The following DNAH14 variants were observed in gnomAD, a reference collection of about 807,000 sequenced individuals.
The protein encoded by DNAH14 is axonemal beta dynein heavy chain 14.
A neutral mutation model predicts 520.9 loss-of-function variants in DNAH14; 478 were observed. The ratio of observed to expected loss-of-function variants is 0.92; its 90% CI spans 0.85 to 0.99. The LOEUF (loss-of-function observed/expected upper bound fraction) is 0.99. Ranked by LOEUF, DNAH14 falls within the 50% of genes least tolerant of loss-of-function variation. DNAH14 has a pLI of 0.00. For synonymous variants in DNAH14, 1,581 were observed against 1,757.2 expected (o/e 0.90, Z 2.51); for missense variants, 4,831 against 5,234.5 (o/e 0.92, Z 2.38).
rs578077890 is a variant in DNAH14 at position 225,179,778 on chromosome 1, C to A, written c.5536-5513C>A. On this transcript the variant is annotated intron_variant, in intron 36 of 85. Coordinates refer to ENST00000682510, the MANE Select transcript of DNAH14 (RefSeq NM_001367479.1). The stretch of plus-strand genomic sequence containing the variant: ...TTCAGATTGAAGAACTCCATTTAGC[C>A]TTTCTTGTAAGACAGGTCTGATGGT... Among the ~76,000 whole-genome samples the A allele has an allele frequency of 8.5e-5, 13 of 152,144 alleles. No individual in the cohort carries two copies. In the South Asian group the frequency reaches 2.3e-3, roughly 27 times the overall value.
At chr1:225,382,833 G>A (rs968895314) in intron 81 of DNAH14, among the ~76,000 whole-genome samples, 2 of 152,146 alleles carry the variant, frequency 1.3e-5, no homozygotes, top group African/African-American at 4.8e-5. Context: ...ATAAAATATG[G>A]TATGTCCCTG....
chr1:225,007,880 G>A (rs2064307708), intron 10 of DNAH14, among the ~76,000 whole-genome samples: 1 of 151,346 alleles, frequency 6.6e-6, no homozygotes, highest in African/African-American at 2.4e-5. Context: ...TAAAACAAGA[G>A]ATTTCTGTTT....
chr1:225,364,246 T>C (rs2095526401), intron 75 of DNAH14, among the ~76,000 whole-genome samples: 1 of 152,208 alleles, frequency 6.6e-6, no homozygotes, highest in African/African-American at 2.4e-5. Context: ...CATTAAACTT[T>C]CACCTACTGG....
intron 66 of DNAH14, among the ~76,000 whole-genome samples, chr1:225,335,954 T>C (rs964525371): frequency 1.2e-4 from 17 of 144,248 alleles, no homozygotes; most frequent in South Asian, 2.1e-4. Context: ...TATGTATATA[T>C]ACACATATAC....
At chr1:225,127,663 A>G (rs1175596788) in intron 27 of DNAH14, among the ~76,000 whole-genome samples, 3 of 152,020 alleles carry the variant, frequency 2.0e-5, no homozygotes, top group South Asian at 2.1e-4. Context: ...TCTTTATCCA[A>G]TTTGCCAGTC....
chr1:224,976,194 T>C (rs1181961763), intron 8 of DNAH14, among the ~76,000 whole-genome samples: 5 of 152,116 alleles, frequency 3.3e-5, no homozygotes, highest in African/African-American at 9.7e-5. Context: ...GAAAAAAATG[T>C]ATATTCTGTT....
chr1:225,272,884 A>C, intron 51 of DNAH14, 71 bp from the exon 52 acceptor site: 1 of 1,400,316 alleles, frequency 7.1e-7, no homozygotes. Context: ...ACCTGCAAAA[A>C]TTGAGCCTTC....
intron 29 of DNAH14, among the ~76,000 whole-genome samples, chr1:225,144,961 AAGAG>A (rs1359054007): frequency 1.3e-5 from 2 of 151,850 alleles, no homozygotes. Flanking sequence ...GTGAGACCGA[AAGAG>A]AGGGACAGAG....
At chr1:225,330,583 T>C (rs1459843811) in intron 64 of DNAH14, among the ~76,000 whole-genome samples, 1 of 152,198 alleles carries the variant, frequency 6.6e-6, no homozygotes, top group South Asian at 2.1e-4. Context: ...TGTTCTCACT[T>C]ATTTGTGGGA....
chr1:225,093,924 A>G (rs1181122632), intron 21 of DNAH14, among the ~76,000 whole-genome samples: 1 of 152,090 alleles, frequency 6.6e-6, no homozygotes, highest in Non-Finnish European at 1.5e-5. Context: ...GCAGCAAACC[A>G]GGAAAGTGAA....
chr1:225,264,133 GTTGT>G, intron 46 of DNAH14, 60 bp from the exon 47 acceptor site: 1 of 1,340,308 alleles, frequency 7.5e-7, no homozygotes, highest in Admixed American at 2.4e-5. Flanking sequence ...CTTTTTTGTT[GTTGT>G]TTAATATACC....
At chr1:224,938,490 A>T (rs2449324) in intron 1 of DNAH14, among the ~76,000 whole-genome samples, 1 of 152,006 alleles carries the variant, frequency 6.6e-6, no homozygotes, top group African/African-American at 2.4e-5. Context: ...CCATAGTGCA[A>T]CATCATCTCA....
chr1:225,266,066 T>C (rs1385282841), intron 48 of DNAH14, among the ~76,000 whole-genome samples: 2 of 152,116 alleles, frequency 1.3e-5, no homozygotes, highest in African/African-American at 4.8e-5. Flanking sequence ...TTACAATCAG[T>C]ACACTTCAAT....
chr1:224,974,266 C>A, intron 8 of DNAH14, 113 bp downstream of exon 8: 1 of 607,974 alleles, frequency 1.6e-6, no homozygotes, highest in Non-Finnish European at 2.5e-6. Context: ...AGTCACATTC[C>A]ATTGCTTTAC....
chr1:225,247,579 C>T (rs919010878), intron 43 of DNAH14, among the ~76,000 whole-genome samples: 1 of 152,076 alleles, frequency 6.6e-6, no homozygotes, highest in African/African-American at 2.4e-5. Flanking sequence ...AGAGAAGCAA[C>T]ATTTGACGAT....
chr1:225,044,795 A>T (rs902872132), intron 15 of DNAH14, among the ~76,000 whole-genome samples: 1 of 152,166 alleles, frequency 6.6e-6, no homozygotes, highest in Admixed American at 6.5e-5. Context: ...TCCATTTTGA[A>T]TCAGTTTGGT....
chr1:225,123,638 A>G (rs547646972), intron 27 of DNAH14, 24 bp downstream of exon 27: 70 of 376,136 alleles, frequency 1.9e-4, no homozygotes, highest in African/African-American at 1.4e-3. Flanking sequence ...GCTTTGATGT[A>G]TGTATACAGG....
rs1282801228 is a variant in DNAH14 at position 225,144,399 on chromosome 1, A to G, written c.4511A>G (p.His1504Arg). The G allele has an allele frequency of 6.5e-7, 1 of 1,547,366 alleles. No homozygotes were observed. Among genetic ancestry groups the G allele is most frequent in the Non-Finnish European group, 8.7e-7 (1 of 1,143,892 alleles). Reference sequence around the variant, plus strand: ...AACATTTAAAATTTGGCTTTCAGACATTTGCAATATAAATGGAATGAAAAA... The same window carrying G: ...AACATTTAAAATTTGGCTTTCAGACGTTTGCAATATAAATGGAATGAAAAA... Reference protein sequence around the residue: ...FNAEDFEWTRHLQYKWNEKQK... With the variant: ...FNAEDFEWTRRLQYKWNEKQK... The change falls in exon 29 of 86, where the codon CAT becomes CGT. Residue 1504 changes from histidine to arginine, a missense_variant and splice_region_variant. Transcript: ENST00000682510.
In DNAH14 at chr1:224,967,579, C is replaced by A; in HGVS notation, c.647C>A (p.Ser216Ter). The A allele has an allele frequency of 6.3e-7, 1 of 1,599,952 alleles. No homozygotes were observed. Among genetic ancestry groups the A allele is most frequent in the Admixed American group, 1.8e-5 (1 of 56,942 alleles). The change falls in exon 6 of 86, where the codon TCA becomes TAA. Residue 216 changes from serine to a stop codon, truncating the protein, a stop_gained. Coordinates refer to ENST00000682510, the MANE Select transcript of DNAH14 (RefSeq NM_001367479.1). LOFTEE classifies it high-confidence loss of function. ...TGGGTTATTACTGCTTCATTTATCT[C>A]AAAGGTAATGTTTAATGGATGTTTT... ...EFWVITASFI[S>*]KVINIVGSVK...
Sources: gnomAD v4.1 joint callset for allele counts (sites outside exome capture counted in the v4.1 genomes callset) on GRCh38, gnomAD v4.1.1 for gene constraint, MANE v1.5 for transcripts, NCBI Gene and HGNC (gene_info 2026-07-23, HGNC 2026-07-21) for gene names.